The following RIT2 variants were observed in gnomAD, a reference collection of about 807,000 sequenced individuals.
The protein encoded by RIT2 is GTP-binding protein Rit2.
Under a neutral mutation model 23.7 loss-of-function variants are expected in RIT2, and 24 were observed. The observed-to-expected ratio is 1.01, with a 90% CI of 0.73 to 1.43. The LOEUF is 1.43. Ranked by LOEUF, RIT2 falls within the 40% of genes most tolerant of loss-of-function variation. The pLI is 0.00. For missense variants in RIT2, 236 were observed against 266.9 expected (o/e 0.88, Z 0.81); for synonymous variants, 107 against 91.1 (o/e 1.17, Z -0.99).
intron 4 of RIT2, among the ~76,000 whole-genome samples, chr18:42,888,324 T>TTTTG (rs1042524595): frequency 3.9e-5 from 6 of 151,990 alleles, no homozygotes; most frequent in African/African-American, 4.8e-5. Flanking sequence ...AAGGGTTTTT[T>TTTTG]TTTGTTTGTT....
chr18:42,962,857 G>C (rs1006926594), intron 3 of RIT2, among the ~76,000 whole-genome samples: 2 of 152,096 alleles, frequency 1.3e-5, no homozygotes, highest in Non-Finnish European at 2.9e-5. Flanking sequence ...TTCACAAATG[G>C]TCTGCAGGAC....
chr18:42,923,969 T>C (rs1909119945), intron 3 of RIT2, among the ~76,000 whole-genome samples: 1 of 151,960 alleles, frequency 6.6e-6, no homozygotes, highest in Non-Finnish European at 1.5e-5. Context: ...TATATAAAGA[T>C]GATTTTTTTT....
chr18:42,868,083 T>C (rs1907520550), intron 4 of RIT2, among the ~76,000 whole-genome samples: 1 of 152,228 alleles, frequency 6.6e-6, no homozygotes. Flanking sequence ...ACTTATACTA[T>C]GAGATTTACC....
intron 2 of RIT2, among the ~76,000 whole-genome samples, chr18:43,005,571 A>G (rs1473919071): frequency 2.6e-5 from 4 of 151,826 alleles, no homozygotes; most frequent in African/African-American, 9.7e-5. Flanking sequence ...AATTTTTGGC[A>G]ATGACATAAG....
intron 4 of RIT2, among the ~76,000 whole-genome samples, chr18:42,833,053 C>CA (rs35952869): frequency 0.17 from 13,305 of 77,666 alleles, 1,117 homozygotes; most frequent in Middle Eastern, 0.28. Context: ...GACTTCATCT[C>CA]AAAAAAAAAA....
At chr18:42,959,754 T>G (rs1190870482) in intron 3 of RIT2, among the ~76,000 whole-genome samples, 1 of 152,212 alleles carries the variant, frequency 6.6e-6, no homozygotes, top group African/African-American at 2.4e-5. Context: ...CTTAGAGGCT[T>G]ATCTGTCCCA....
chr18:42,759,418 T>C (rs1479657615), intron 4 of RIT2, among the ~76,000 whole-genome samples: 1 of 152,172 alleles, frequency 6.6e-6, no homozygotes, highest in Admixed American at 6.5e-5. Context: ...ATTTCCAAGA[T>C]AATATAGTTC....
intron 2 of RIT2, among the ~76,000 whole-genome samples, chr18:42,990,009 ATGTGTGTGTGTG>A (rs5824463): frequency 1.3e-5 from 2 of 148,896 alleles, no homozygotes; most frequent in East Asian, 4.0e-4. Context: ...ATTTACAGAT[ATGTGTGTGTGTG>A]TGTGTGTGTG....
chr18:42,865,810 T>A (rs76016136), intron 4 of RIT2, among the ~76,000 whole-genome samples: 1 of 152,132 alleles, frequency 6.6e-6, no homozygotes, highest in East Asian at 1.9e-4. Context: ...TACAATATAC[T>A]CTGCATATAT....
chr18:42,946,714 A>C (rs1275565048), intron 3 of RIT2, among the ~76,000 whole-genome samples: 3 of 152,062 alleles, frequency 2.0e-5, no homozygotes, highest in Non-Finnish European at 4.4e-5. Context: ...ATATTGCCTA[A>C]AATCTCAAAA....
At chr18:43,020,890 A>T (rs1239911334) in intron 2 of RIT2, among the ~76,000 whole-genome samples, 2 of 152,144 alleles carry the variant, frequency 1.3e-5, no homozygotes, top group African/African-American at 4.8e-5. Context: ...TGTTTGTAAG[A>T]TCTGAAACTA....
intron 4 of RIT2, among the ~76,000 whole-genome samples, chr18:42,863,599 A>G (rs75347468): frequency 0.03 from 4,507 of 152,258 alleles, 222 homozygotes; most frequent in African/African-American, 0.1. Context: ...AATTTCTTTC[A>G]AATTAAATTT....
At chr18:42,856,475 C>A (rs906571747) in intron 4 of RIT2, among the ~76,000 whole-genome samples, 2 of 152,196 alleles carry the variant, frequency 1.3e-5, no homozygotes, top group Non-Finnish European at 2.9e-5. Flanking sequence ...TTCTATGAAG[C>A]CTTCTGTGTA....
intron 2 of RIT2, among the ~76,000 whole-genome samples, chr18:42,987,611 T>G (rs1910741442): frequency 6.6e-6 from 1 of 152,200 alleles, no homozygotes; most frequent in South Asian, 2.1e-4. Flanking sequence ...TAAGAATATT[T>G]ATATCACCAT....
intron 1 of RIT2, among the ~76,000 whole-genome samples, chr18:43,053,341 A>G (rs1261374149): frequency 6.6e-6 from 1 of 151,996 alleles, no homozygotes; most frequent in African/African-American, 2.4e-5. Context: ...TAAGACATGC[A>G]ACTGGATTTC....
At chr18:42,973,966 G>T (rs904871310) in intron 3 of RIT2, 108 bp downstream of exon 3, 1 of 651,144 alleles carries the variant, frequency 1.5e-6, no homozygotes, top group Non-Finnish European at 2.6e-6. Flanking sequence ...TCACAAATTT[G>T]TTCTTCTTCT....
chr18:42,890,720 C>A (rs1908149000), intron 4 of RIT2, among the ~76,000 whole-genome samples: 1 of 151,930 alleles, frequency 6.6e-6, no homozygotes, highest in Admixed American at 6.6e-5. Context: ...TGCTTTTAGA[C>A]CCACTTAATT....
intron 1 of RIT2, among the ~76,000 whole-genome samples, chr18:43,095,556 A>C (rs2144366347): frequency 6.6e-6 from 1 of 152,184 alleles, no homozygotes; most frequent in Admixed American, 6.6e-5. Flanking sequence ...AAATAAATTT[A>C]AAACTCACTA....
At chr18:42,887,897 G>A (rs1346489725) in intron 4 of RIT2, among the ~76,000 whole-genome samples, 1 of 152,094 alleles carries the variant, frequency 6.6e-6, no homozygotes, top group Non-Finnish European at 1.5e-5. Context: ...TAAGGGAAAG[G>A]AGCCATTCTG....
Sources: gnomAD v4.1 joint callset for allele counts (sites outside exome capture counted in the v4.1 genomes callset) on GRCh38, gnomAD v4.1.1 for gene constraint, MANE v1.5 for transcripts, NCBI Gene and HGNC (gene_info 2026-07-23, HGNC 2026-07-21) for gene names.